FAS: variants seen among roughly 807,000 people sequenced by gnomAD.
FAS encodes tumor necrosis factor receptor superfamily member 6.
A neutral mutation model predicts 33.2 loss-of-function variants in FAS; 5 were observed. The ratio of observed to expected loss-of-function variants is 0.15; its 90% CI spans 0.08 to 0.32. The LOEUF (loss-of-function observed/expected upper bound fraction) is 0.32. Ranked by LOEUF, FAS falls within the 10% of genes least tolerant of loss-of-function variation. FAS has a pLI of 1.00. For missense variants in FAS, 339 were observed against 386.0 expected, an observed-to-expected ratio of 0.88 and a Z score of 1.02; for synonymous variants, 131 against 130.7, an observed-to-expected ratio of 1.00 and a Z score of -0.01.
rs983859647 is a variant in FAS at position 89,016,116 on chromosome 10, C to A, written c.*1666C>A. 2.2e-5 allele frequency: 5 copies of A among 225,476 alleles called. No homozygotes were observed. Among genetic ancestry groups the A allele is most frequent in the African/African-American group, 1.1e-4 (5 of 44,724 alleles). The allele number at this position is 225,476 out of a possible 1,614,324, so 14.0% of individuals were successfully genotyped here. A position where few individuals can be genotyped will look rare whatever the true frequency, so the allele number is the denominator to read the frequency against. On this transcript the variant is annotated 3_prime_UTR_variant, in exon 9 of 9. Transcript: ENST00000652046. The stretch of plus-strand genomic sequence containing the variant: ...TGAAATATTCTTTCCTGCATATTAT[C>A]CATTCTAGCTACATGCTGGCCAGTG...
intron 8 of FAS, 58 bp from the exon 9 acceptor site, chr10:89,014,061 T>C (rs1261019883): frequency 6.5e-7 from 1 of 1,541,358 alleles, no homozygotes. Context: ...AACATGGTTT[T>C]CACTAATGGG....
In FAS at chr10:89,007,926, G is replaced by A. The variant is rs1848326678; in HGVS notation, c.334+89G>A. On this transcript the variant is annotated intron_variant, in intron 3 of 8. Transcript: ENST00000652046. ...AGACAATTTGAAATTGGGGCCTACT[G>A]TGGTGCTATGTTGACACACAGGAAA... The A allele has an allele frequency of 4.4e-6, 7 of 1,583,002 alleles. No individual in the cohort carries two copies. In the South Asian group the frequency reaches 6.7e-5, roughly 15 times the overall value.
chr10:88,973,329 G>T (rs374602313), exon 2 of FAS: 2 of 1,554,154 alleles, frequency 1.3e-6, no homozygotes, highest in East Asian at 2.3e-5. Flanking sequence ...ACAAGAAGTG[G>T]AATGGAGAAG....
At chr10:89,012,796 T>G (rs1284022658) in intron 7 of FAS, 1 of 153,904 alleles carries the variant, frequency 6.5e-6, no homozygotes, top group East Asian at 1.9e-4. Context: ...TGGCTGCCGG[T>G]TGACCTTATG....
chr10:89,013,235 C>T, intron 7 of FAS, 108 bp from the exon 8 acceptor site: 1 of 1,042,806 alleles, frequency 9.6e-7, no homozygotes. Flanking sequence ...CATCAAGCAA[C>T]TGATTGTACT....
At chr10:88,986,970 A>G (rs1846914036), upstream of FAS, among the ~76,000 whole-genome samples, 1 of 152,248 alleles carries the variant, frequency 6.6e-6, no homozygotes, top group African/African-American at 2.4e-5. Flanking sequence ...CCTGTAGGAA[A>G]TAATATGTTC....
Position 89,003,204 on chromosome 10 carries a change from A to G in FAS, c.196+10A>G. On this transcript the variant is annotated intron_variant, in intron 2 of 8. Transcript: ENST00000652046. ...AAGCCCTGTCCTCCAGGTATGTTACACAAAACATCCAGAGATTACAGTGAA... is the reference window on the plus strand; with the variant it reads ...AAGCCCTGTCCTCCAGGTATGTTACGCAAAACATCCAGAGATTACAGTGAA... 2 of 1,614,034 alleles carry G rather than the reference A, an allele frequency of 1.2e-6. No homozygotes were observed. Among genetic ancestry groups the G allele is most frequent in the East Asian group, 2.2e-5 (1 of 44,882 alleles).
intron 2 of FAS, among the ~76,000 whole-genome samples, chr10:88,976,200 G>C (rs1363482796): frequency 2.0e-5 from 3 of 151,946 alleles, no homozygotes; most frequent in African/African-American, 7.3e-5. Flanking sequence ...TATAGCTGAT[G>C]AGCTAAAAAA....
chr10:88,976,925 G>C (rs1247041917), intron 2 of FAS, among the ~76,000 whole-genome samples: 1 of 152,188 alleles, frequency 6.6e-6, no homozygotes, highest in African/African-American at 2.4e-5. Context: ...TTGTGCTTGA[G>C]ATCCTTATAT....
chr10:89,015,283 C>T lies in FAS; in HGVS notation c.*833C>T. On this transcript the variant is annotated 3_prime_UTR_variant, in exon 9 of 9. Transcript: ENST00000652046. ...ATATCACCAAAAAATACTTAATAGT[C>T]CACCAAAAGGCAAGACTGCCCTTAG... The T allele has an allele frequency of 1.9e-6, 1 of 534,734 alleles. No individual in the cohort carries two copies. The highest frequency in any genetic ancestry group is 1.5e-5 in the South Asian group (1 of 65,170). 33.1% of individuals were successfully genotyped at this position (534,734 alleles called of 1,614,324 possible). A position where few individuals can be genotyped will look rare whatever the true frequency, so the allele number is the denominator to read the frequency against.
chr10:88,966,772 C>A (rs1227965952), intron 1 of FAS, among the ~76,000 whole-genome samples: 10 of 151,956 alleles, frequency 6.6e-5, no homozygotes, highest in African/African-American at 2.4e-5. Flanking sequence ...AAAGACGTAA[C>A]CTGCTCAAAT....
chr10:88,966,348 G>A (rs1321201832), intron 1 of FAS, among the ~76,000 whole-genome samples: 2 of 152,308 alleles, frequency 1.3e-5, no homozygotes, highest in East Asian at 1.9e-4. Context: ...GGACAGGACT[G>A]TGGGCCTGCA....
At chr10:88,979,683 C>A (rs1846661510) in intron 2 of FAS, among the ~76,000 whole-genome samples, 1 of 151,944 alleles carries the variant, frequency 6.6e-6, no homozygotes, top group African/African-American at 2.4e-5. Context: ...TGGTTTTGAT[C>A]CTCCTATCAA....
chr10:89,008,361 G>T (rs1196442165), intron 3 of FAS, among the ~76,000 whole-genome samples: 1 of 152,200 alleles, frequency 6.6e-6, no homozygotes, highest in East Asian at 1.9e-4. Context: ...TTGACATGAA[G>T]AAACCTCTGG....
At chr10:88,991,158 T>A (rs1847175118) in intron 1 of FAS, 1 of 594,282 alleles carries the variant, frequency 1.7e-6, no homozygotes, top group East Asian at 2.8e-5. Context: ...CTGACCCCGC[T>A]GGGCAGGCGG....
chr10:88,971,963 C>G (rs1846457247), intron 1 of FAS, among the ~76,000 whole-genome samples: 1 of 150,938 alleles, frequency 6.6e-6, no homozygotes, highest in Non-Finnish European at 1.5e-5. Context: ...GGCTGGAGTG[C>G]AGAGGCGTGA....
upstream of FAS, among the ~76,000 whole-genome samples, chr10:88,983,179 G>C (rs1482098736): frequency 5.9e-5 from 9 of 152,154 alleles, no homozygotes; most frequent in Non-Finnish European, 5.9e-5. Flanking sequence ...AATCCAATTT[G>C]CATGGCTATG....
intron 1 of FAS, among the ~76,000 whole-genome samples, chr10:88,993,987 G>A (rs1847426402): frequency 6.6e-6 from 1 of 152,164 alleles, no homozygotes; most frequent in Admixed American, 6.5e-5. Flanking sequence ...CCCACTACCA[G>A]CTATAGTTAG....
chr10:89,013,812 A>G (rs1241033050), intron 8 of FAS, among the ~76,000 whole-genome samples: 1 of 152,210 alleles, frequency 6.6e-6, no homozygotes, highest in African/African-American at 2.4e-5. Flanking sequence ...TGGGTCATTG[A>G]TCATTGGATC....
Sources: allele counts gnomAD v4.1 joint callset (sites outside exome capture counted in the v4.1 genomes callset), GRCh38; gene constraint gnomAD v4.1.1; transcripts MANE v1.5; gene names NCBI Gene and HGNC (gene_info 2026-07-23, HGNC 2026-07-21).